The following SV2C variants were observed in gnomAD, a reference collection of about 807,000 sequenced individuals.
The protein encoded by SV2C is solute carrier family 22 member B3.
SV2C carries 49 observed loss-of-function variants against 79.7 expected under a neutral mutation model. That is an observed-to-expected ratio of 0.61 (90% CI 0.49 to 0.78). The LOEUF (loss-of-function observed/expected upper bound fraction) is 0.78, where lower values mean the gene tolerates loss of function less well. Among genes scored for constraint, SV2C ranks in the 30% least tolerant of loss-of-function variants. The pLI, the probability that SV2C is intolerant of heterozygous loss-of-function variation, is 0.00. For missense variants in SV2C, 833 were observed against 912.9 expected (o/e 0.91, Z 1.13); for synonymous variants, 334 against 333.2 (o/e 1.00, Z -0.03).
chr5:76,233,445 T>G (rs1347603467), intron 4 of SV2C, among the ~76,000 whole-genome samples: 2 of 139,682 alleles, frequency 1.4e-5, no homozygotes. Context: ...TTCTCCTGCC[T>G]AATTGCCCTG....
At chr5:76,270,527 C>T (rs1393558273) in intron 4 of SV2C, among the ~76,000 whole-genome samples, 3 of 152,158 alleles carry the variant, frequency 2.0e-5, no homozygotes, top group Admixed American at 2.0e-4. Flanking sequence ...TGCTGATCAT[C>T]TCCAACTTAT....
intron 12 of SV2C, among the ~76,000 whole-genome samples, chr5:76,339,169 G>A (rs922948379): frequency 6.6e-6 from 1 of 151,858 alleles, no homozygotes; most frequent in African/African-American, 2.4e-5. Flanking sequence ...GAGAAAAGAG[G>A]TCCTCACAAT....
At chr5:75,954,380 T>G in the SV2C span, among the ~76,000 whole-genome samples, 1 of 151,968 alleles carries the variant, frequency 6.6e-6, no homozygotes, top group African/African-American at 2.4e-5. Context: ...ATAGTTCTTA[T>G]TATTTTGAAA....
At chr5:76,163,114 C>T (rs537418189) in intron 2 of SV2C, among the ~76,000 whole-genome samples, 13 of 152,328 alleles carry the variant, frequency 8.5e-5, no homozygotes, top group South Asian at 2.1e-4. Flanking sequence ...TGCCCAGTCC[C>T]GCCTTGGTGC....
chr5:76,267,511 A>G (rs183575290), intron 4 of SV2C, among the ~76,000 whole-genome samples: 2 of 152,204 alleles, frequency 1.3e-5, no homozygotes, highest in Admixed American at 6.5e-5. Context: ...ATTCTTTTGT[A>G]TATTCCATTC....
At chr5:76,129,287 A>G (rs190444170) in intron 1 of SV2C, among the ~76,000 whole-genome samples, 1 of 152,348 alleles carries the variant, frequency 6.6e-6, no homozygotes, top group Admixed American at 6.5e-5. Flanking sequence ...AAGGGCACAG[A>G]AAAATCTTCT....
chr5:76,040,994 AGTGTGGGGT>A, the SV2C span, among the ~76,000 whole-genome samples: 1 of 152,168 alleles, frequency 6.6e-6, no homozygotes, highest in African/African-American at 2.4e-5. Flanking sequence ...GAGGAACTGC[AGTGTGGGGT>A]GTTGTCTGGC....
At chr5:75,941,528 T>G in the SV2C span, among the ~76,000 whole-genome samples, 4 of 152,338 alleles carry the variant, frequency 2.6e-5, no homozygotes, top group South Asian at 6.2e-4. Flanking sequence ...GTTTTATTCC[T>G]TATAGATGTT....
At chr5:76,010,263 G>A in the SV2C span, among the ~76,000 whole-genome samples, 1 of 152,094 alleles carries the variant, frequency 6.6e-6, no homozygotes, top group Non-Finnish European at 1.5e-5. Context: ...AATTACGGGA[G>A]CCCAGCTGTG....
At chr5:75,978,761 A>G in the SV2C span, among the ~76,000 whole-genome samples, 1 of 152,208 alleles carries the variant, frequency 6.6e-6, no homozygotes, top group Non-Finnish European at 1.5e-5. Flanking sequence ...AGATATTTCA[A>G]GTAAAGAGGG....
chr5:76,117,714 A>T (rs1006633428), intron 1 of SV2C, among the ~76,000 whole-genome samples: 5 of 137,918 alleles, frequency 3.6e-5, no homozygotes, highest in African/African-American at 1.0e-4. Context: ...TTATTTATTT[A>T]AAAAAAAATC....
chr5:76,096,568 G>A (rs1747568086), intron 1 of SV2C, among the ~76,000 whole-genome samples: 1 of 152,116 alleles, frequency 6.6e-6, no homozygotes, highest in Admixed American at 6.6e-5. Context: ...CCCAGTTCAT[G>A]TTTTCTGCGT....
chr5:76,352,138 A>C (rs1190208452), intron 12 of SV2C, among the ~76,000 whole-genome samples: 2 of 152,192 alleles, frequency 1.3e-5, no homozygotes, highest in African/African-American at 2.4e-5. Flanking sequence ...ACTTGAACCC[A>C]GGAGGCGGAG....
At chr5:75,995,558 AC>A in the SV2C span, among the ~76,000 whole-genome samples, 1 of 152,162 alleles carries the variant, frequency 6.6e-6, no homozygotes, top group South Asian at 2.1e-4. Flanking sequence ...ATAATTCGAA[AC>A]AAAATATGAA....
rs113086865 is a variant in SV2C at position 76,182,787 on chromosome 5, C to T, written c.581-12132C>T. 4.7e-3 allele frequency among the ~76,000 whole-genome samples: 712 copies of T among 152,074 alleles called. 1 individual carries two copies. The highest frequency in any genetic ancestry group is 0.015 in the African/African-American group (612 of 41,460). On this transcript the variant is annotated intron_variant, in intron 2 of 12. Coordinates refer to ENST00000502798, the MANE Select transcript of SV2C (RefSeq NM_014979.4). ...ACTGGGTAATTTATAAAGAAAGGGT[C>T]GTGATGCTGCAGGCTATAGAGGAAG...
intron 4 of SV2C, among the ~76,000 whole-genome samples, chr5:76,219,491 T>G (rs1281163588): frequency 1.3e-5 from 2 of 152,218 alleles, no homozygotes; most frequent in African/African-American, 4.8e-5. Flanking sequence ...TGCATGGCCA[T>G]TTCTTTGAAT....
the SV2C span, among the ~76,000 whole-genome samples, chr5:75,953,299 C>T: frequency 0.26 from 38,842 of 151,762 alleles, 6,122 homozygotes; most frequent in Non-Finnish European, 0.37. Context: ...GACCAAATAC[C>T]TCCCATTAAG....
the SV2C span, among the ~76,000 whole-genome samples, chr5:75,852,782 C>T: frequency 2.8e-5 from 4 of 141,488 alleles, no homozygotes; most frequent in African/African-American, 1.1e-4. Flanking sequence ...GCTGCGATCA[C>T]GCAACTGCAC....
intron 2 of SV2C, among the ~76,000 whole-genome samples, chr5:76,145,749 C>A (rs1451379782): frequency 6.6e-6 from 1 of 152,156 alleles, no homozygotes; most frequent in South Asian, 2.1e-4. Flanking sequence ...CTAAATTAAA[C>A]CAAATCTACC....
Sources: gnomAD v4.1 joint callset for allele counts (sites outside exome capture counted in the v4.1 genomes callset) on GRCh38, gnomAD v4.1.1 for gene constraint, MANE v1.5 for transcripts, NCBI Gene and HGNC (gene_info 2026-07-23, HGNC 2026-07-21) for gene names.